The following IL17RD variants were observed in gnomAD, a reference collection of about 807,000 sequenced individuals.
IL17RD encodes interleukin-17 receptor D.
A neutral mutation model predicts 80.5 loss-of-function variants in IL17RD; 52 were observed. The observed-to-expected ratio is 0.65, with a 90% CI of 0.52 to 0.81. The LOEUF (loss-of-function observed/expected upper bound fraction) is 0.81. Ranked by LOEUF, IL17RD falls within the 40% of genes least tolerant of loss-of-function variation. The probability of loss-of-function intolerance (pLI) is 0.00; values close to 1 mark genes in which losing one functional copy is unlikely to be tolerated. For synonymous variants in IL17RD, 416 were observed against 391.8 expected, an observed-to-expected ratio of 1.06 and a Z score of -0.73; for missense variants, 1,024 against 955.1, an observed-to-expected ratio of 1.07 and a Z score of -0.95.
At chr3:57,114,214 A>C (rs1417983417) in intron 3 of IL17RD, among the ~76,000 whole-genome samples, 2 of 151,906 alleles carry the variant, frequency 1.3e-5, no homozygotes, top group Non-Finnish European at 2.9e-5. Context: ...ATTTGTTGCC[A>C]ACATTTAAAA....
intron 1 of IL17RD, among the ~76,000 whole-genome samples, chr3:57,130,229 G>A (rs144327878): frequency 5.8e-4 from 89 of 152,260 alleles, no homozygotes; most frequent in African/African-American, 2.1e-3. Flanking sequence ...CCACCCAAGG[G>A]CCTCTGAGGG....
At chr3:57,107,490 C>G (rs1706991808) in intron 5 of IL17RD, among the ~76,000 whole-genome samples, 1 of 152,060 alleles carries the variant, frequency 6.6e-6, no homozygotes. Context: ...GAGTTGTGAA[C>G]AGAAACATCA....
In IL17RD at chr3:57,094,707, T is replaced by C. The variant is rs1006195210; in HGVS notation, c.*1686A>G. ...CCTTCACAGAATGCCTAGGATGAAA[T>C]GGCGGGGCAGTCATGTGTGGGTAGG... is the stretch of plus-strand genomic sequence containing the variant. On this transcript the variant is annotated 3_prime_UTR_variant, in exon 13 of 13. Coordinates refer to ENST00000296318, the MANE Select transcript of IL17RD (RefSeq NM_017563.5). The C allele has an allele frequency of 4.6e-5, 7 of 152,198 alleles. No homozygotes were observed. The highest frequency in any genetic ancestry group is 1.7e-4 in the African/African-American group (7 of 41,460). The allele number at this position is 152,198 out of a possible 1,614,324, so 9.4% of individuals were successfully genotyped here.
In IL17RD at chr3:57,120,290, G is replaced by C. The variant is rs769815285; in HGVS notation, c.150C>G (p.Asn50Lys). 1.2e-6 allele frequency: 2 copies of C among 1,613,686 alleles called. No homozygotes were observed. The highest frequency in any genetic ancestry group is 3.3e-5 in the Admixed American group (2 of 60,032). ...TGAAGGTGATGTTGTACAGCCCACT[G>C]TTTCTGCTGGCTGGCCCCACTCCCT... is the stretch of plus-strand genomic sequence containing the variant. ...GWRGVGPASRNSGLYNITFKY... is the reference protein window; with the variant it reads ...GWRGVGPASRKSGLYNITFKY... The change falls in exon 2 of 13, where the codon AAC becomes AAG. Residue 50 changes from asparagine (N) to lysine (K), a missense_variant. By Grantham distance (94) the Asn-to-Lys change is moderately conservative. Transcript: ENST00000296318.
At chr3:57,117,289 T>C (rs1365924203) in intron 2 of IL17RD, among the ~76,000 whole-genome samples, 2 of 152,124 alleles carry the variant, frequency 1.3e-5, no homozygotes, top group African/African-American at 4.8e-5. Flanking sequence ...AATTTTTGTA[T>C]TTTTAGTAGA....
chr3:57,110,033 G>A (rs1044558590), intron 4 of IL17RD, among the ~76,000 whole-genome samples, 160 bp downstream of exon 4: 5 of 151,704 alleles, frequency 3.3e-5, no homozygotes, highest in African/African-American at 4.9e-5. Context: ...CCCTGGGAGC[G>A]TGGAGCAGGC....
chr3:57,161,702 G>T (rs891791879), intron 1 of IL17RD, among the ~76,000 whole-genome samples: 1 of 152,154 alleles, frequency 6.6e-6, no homozygotes, highest in Non-Finnish European at 1.5e-5. Flanking sequence ...CCATAAAAAG[G>T]CTTCTAGACC....
At chr3:57,115,082 T>G (rs1707183837) in intron 2 of IL17RD, among the ~76,000 whole-genome samples, 1 of 152,202 alleles carries the variant, frequency 6.6e-6, no homozygotes, top group Non-Finnish European at 1.5e-5. Flanking sequence ...GAGGATCTTA[T>G]ACAGTGTGGA....
At chr3:57,134,174 T>G in intron 1 of IL17RD, 3 of 667,518 alleles carry the variant, frequency 4.5e-6, no homozygotes, top group South Asian at 2.8e-5. Flanking sequence ...TCGCCTTTAG[T>G]GTCCTCTGCT....
rs1706560396 is a variant in IL17RD at position 57,091,765 on chromosome 3, G to C, written c.*4628C>G. 6.6e-6 allele frequency: 1 copy of C among 152,214 alleles called. No individual in the cohort carries two copies. 9.4% of individuals were successfully genotyped at this position (152,214 alleles called of 1,614,324 possible). A position where few individuals can be genotyped will look rare whatever the true frequency, so the allele number is the denominator to read the frequency against. ...CTCTAAGACATACAAAGAACTATCT[G>C]ATCAGCAGGGTAGGTTACAGAATCT... On this transcript the variant is annotated 3_prime_UTR_variant, in exon 13 of 13. Coordinates refer to ENST00000296318, the MANE Select transcript of IL17RD (RefSeq NM_017563.5).
At chr3:57,149,518 G>T (rs1708008191) in intron 1 of IL17RD, among the ~76,000 whole-genome samples, 1 of 152,236 alleles carries the variant, frequency 6.6e-6, no homozygotes, top group Non-Finnish European at 1.5e-5. Flanking sequence ...AAAGCTCCAT[G>T]ATATCACCAT....
At chr3:57,132,730 C>T (rs1005617756) in intron 1 of IL17RD, among the ~76,000 whole-genome samples, 1 of 152,306 alleles carries the variant, frequency 6.6e-6, no homozygotes, top group South Asian at 2.1e-4. Flanking sequence ...CCTTTCGGAT[C>T]ACAGGTGACA....
intron 2 of IL17RD, among the ~76,000 whole-genome samples, chr3:57,117,539 G>C (rs1175214089): frequency 6.6e-6 from 1 of 152,144 alleles, no homozygotes; most frequent in Admixed American, 6.5e-5. Context: ...ATTTAATTTT[G>C]ACTTAATGGC....
intron 1 of IL17RD, among the ~76,000 whole-genome samples, chr3:57,154,438 C>G (rs1027595002): frequency 6.6e-6 from 1 of 151,802 alleles, no homozygotes; most frequent in African/African-American, 2.4e-5. Flanking sequence ...ATTATCTACC[C>G]CCATCCTTTT....
chr3:57,105,102 G>A (rs1399951865), intron 7 of IL17RD, among the ~76,000 whole-genome samples: 2 of 152,184 alleles, frequency 1.3e-5, no homozygotes, highest in African/African-American at 4.8e-5. Context: ...CCTTGAGCAA[G>A]CCAGGTGACA....
intron 2 of IL17RD, among the ~76,000 whole-genome samples, chr3:57,115,454 C>T (rs1455991910): frequency 1.3e-5 from 2 of 152,094 alleles, no homozygotes; most frequent in Non-Finnish European, 2.9e-5. Context: ...TCCAAGGCAC[C>T]CCACATTACT....
upstream of IL17RD, among the ~76,000 whole-genome samples, chr3:57,165,549 A>G (rs753848313): frequency 1.8e-4 from 26 of 141,890 alleles, no homozygotes; most frequent in Non-Finnish European, 3.6e-4. Flanking sequence ...AGACTCTGGC[A>G]GCCGCAGTTT....
intron 1 of IL17RD, among the ~76,000 whole-genome samples, chr3:57,125,363 C>T (rs949706758): frequency 3.3e-5 from 5 of 151,810 alleles, no homozygotes; most frequent in African/African-American, 9.7e-5. Flanking sequence ...GCCAAGATCG[C>T]GCCATTTCAC....
chr3:57,140,306 G>A (rs191766441), intron 1 of IL17RD, among the ~76,000 whole-genome samples: 1 of 152,250 alleles, frequency 6.6e-6, no homozygotes, highest in East Asian at 1.9e-4. Flanking sequence ...TGAACTACGA[G>A]CTCTAAATCA....
Sources: gnomAD v4.1 joint callset for allele counts (sites outside exome capture counted in the v4.1 genomes callset) on GRCh38, gnomAD v4.1.1 for gene constraint, MANE v1.5 for transcripts, NCBI Gene and HGNC (gene_info 2026-07-23, HGNC 2026-07-21) for gene names.